The following CPT1C variants were observed in gnomAD, a reference collection of about 807,000 sequenced individuals.
CPT1C encodes carnitine palmitoyltransferase 1C, also known as palmitoyl thioesterase CPT1C.
Under a neutral mutation model 97.3 loss-of-function variants are expected in CPT1C, and 61 were observed. The observed-to-expected ratio is 0.63, with a 90% CI of 0.51 to 0.78. CPT1C has a LOEUF of 0.78. Among genes scored for constraint, CPT1C ranks in the 30% least tolerant of loss-of-function variants. The probability of loss-of-function intolerance (pLI) is 0.00; values close to 1 mark genes in which losing one functional copy is unlikely to be tolerated. For missense variants in CPT1C, 975 were observed against 1,065.5 expected (o/e 0.92, Z 1.18); for synonymous variants, 469 against 447.2 (o/e 1.05, Z -0.61).
At chr19:49,692,165 G>T in intron 2 of CPT1C, 74 bp from the exon 3 acceptor site, 3 of 1,525,198 alleles carry the variant, frequency 2.0e-6, no homozygotes, top group Non-Finnish European at 1.8e-6. Context: ...GGAGGAGGAG[G>T]GGCTGGGGGC....
intron 8 of CPT1C, 101 bp from the exon 9 acceptor site, chr19:49,704,906 T>C: frequency 1.4e-6 from 2 of 1,392,480 alleles, no homozygotes; most frequent in Non-Finnish European, 1.0e-6. Context: ...GGATTCATCA[T>C]TCCACCCTCT....
chr19:49,699,457 T>TAAAAAAAAAA (rs71180647), intron 4 of CPT1C, among the ~76,000 whole-genome samples: 2 of 35,292 alleles, frequency 5.7e-5, no homozygotes, highest in Non-Finnish European at 5.4e-5. Flanking sequence ...CCCCTGTCTC[T>TAAAAAAAAAA]AAAAAAAAAA....
chr19:49,695,563 G>T (rs2082622813), intron 3 of CPT1C, among the ~76,000 whole-genome samples: 1 of 148,850 alleles, frequency 6.7e-6, no homozygotes, highest in South Asian at 2.1e-4. Context: ...GGGACTACAG[G>T]CATGATCCAC....
chr19:49,701,954 ATATATT>A (rs1413675398), intron 7 of CPT1C, among the ~76,000 whole-genome samples: 2 of 73,946 alleles, frequency 2.7e-5, no homozygotes, highest in Non-Finnish European at 4.5e-5. Context: ...TTATATATAA[ATATATT>A]TATATATAAA....
Position 49,706,488 on chromosome 19 carries a change from T to C in CPT1C, c.1343+75T>C. 1 of 1,271,858 alleles carries C rather than the reference T, an allele frequency of 7.9e-7. No homozygotes were observed. The highest frequency in any genetic ancestry group is 1.0e-6 in the Non-Finnish European group (1 of 979,098). 78.8% of individuals were successfully genotyped at this position (1,271,858 alleles called of 1,614,324 possible). A position where few individuals can be genotyped will look rare whatever the true frequency, so the allele number is the denominator to read the frequency against. On this transcript the variant is annotated intron_variant, in intron 12 of 19. Coordinates refer to ENST00000598293, the MANE Select transcript of CPT1C (RefSeq NM_001199753.2). This position sits in a 1 kb window ranked among gnomAD's most constrained non-coding sequence, Gnocchi z 4.8. Reference sequence around the variant, plus strand: ...GTATCAGACCTAGGACCCCTGACAGTAGACAGCCAGACCCTGGAGCCCACA... The same window carrying C: ...GTATCAGACCTAGGACCCCTGACAGCAGACAGCCAGACCCTGGAGCCCACA...
At position 49,711,806 on chromosome 19, in the gene CPT1C, C is replaced by G; in HGVS notation, c.1867-3C>G. The G allele has an allele frequency of 1.2e-6, 2 of 1,608,030 alleles. No individual in the cohort carries two copies. Among genetic ancestry groups the G allele is most frequent in the Non-Finnish European group, 1.7e-6 (2 of 1,177,470 alleles). On this transcript the variant is annotated splice_polypyrimidine_tract_variant and splice_region_variant and intron_variant, in intron 16 of 19. Coordinates refer to ENST00000598293, the MANE Select transcript of CPT1C (RefSeq NM_001199753.2). ...TGACCTGTGACCTCCCTGGGGACTGCAGGACCCACAGTGCCTCGCCCTGTT... is the reference window on the plus strand; with the variant it reads ...TGACCTGTGACCTCCCTGGGGACTGGAGGACCCACAGTGCCTCGCCCTGTT...
rs375722992 is a variant in CPT1C at position 49,706,456 on chromosome 19, G to C, written c.1343+43G>C. On this transcript the variant is annotated intron_variant, in intron 12 of 19. Transcript: ENST00000598293. The surrounding 1 kb of genome is among the most constrained non-coding windows in gnomAD (Gnocchi z 4.8). The stretch of plus-strand genomic sequence containing the variant: ...TGGGGCCCCCAGATGTGGCACCCGA[G>C]AATCCAGTATCAGACCTAGGACCCC... 7.0e-7 allele frequency: 1 copy of C among 1,421,494 alleles called. No homozygotes were observed. The highest frequency in any genetic ancestry group is 1.5e-5 in the African/African-American group (1 of 66,762). 88.1% of individuals were successfully genotyped at this position (1,421,494 alleles called of 1,614,324 possible). A position where few individuals can be genotyped will look rare whatever the true frequency, so the allele number is the denominator to read the frequency against.
chr19:49,708,670 T>C (rs2123457746), intron 13 of CPT1C, 53 bp from the exon 14 acceptor site: 1 of 1,333,738 alleles, frequency 7.5e-7, no homozygotes, highest in Non-Finnish European at 1.1e-6. Context: ...CCGGGTTAGA[T>C]GGCCTCAGTC....
intron 4 of CPT1C, among the ~76,000 whole-genome samples, chr19:49,698,811 C>A (rs1458508798): frequency 6.6e-6 from 1 of 151,626 alleles, no homozygotes; most frequent in South Asian, 2.1e-4. Context: ...TAATCAAAAT[C>A]CTGCCTGTCG....
intron 3 of CPT1C, among the ~76,000 whole-genome samples, chr19:49,695,149 A>C (rs1284481244): frequency 6.6e-6 from 1 of 152,166 alleles, no homozygotes; most frequent in Non-Finnish European, 1.5e-5. Context: ...TCAAAAAAAA[A>C]CAAACATGTG....
intron 5 of CPT1C, 45 bp from the exon 6 acceptor site, chr19:49,701,272 T>G: frequency 6.5e-7 from 1 of 1,547,776 alleles, no homozygotes; most frequent in East Asian, 2.3e-5. Flanking sequence ...GTCAACTCCC[T>G]GGCTCCGGTG....
intron 3 of CPT1C, among the ~76,000 whole-genome samples, chr19:49,694,114 A>G (rs1355306204): frequency 7.2e-6 from 1 of 138,470 alleles, no homozygotes; most frequent in Non-Finnish European, 1.5e-5. Flanking sequence ...AAATAAATAA[A>G]TAAATAAATA....
rs781241338 is a variant in CPT1C at position 49,701,387 on chromosome 19, C to G, written c.524C>G (p.Pro175Arg). 1 of 1,613,622 alleles carries G rather than the reference C, an allele frequency of 6.2e-7. No individual in the cohort carries two copies. The highest frequency in any genetic ancestry group is 2.2e-5 in the East Asian group (1 of 44,874). The change falls in exon 6 of 20, where the codon CCC becomes CGC. Residue 175 changes from proline to arginine, a missense_variant. Pro to Arg is a moderately radical substitution (Grantham distance 103, BLOSUM62 -2). Transcript: ENST00000598293. ...FSYQRSLPRQ[P>R]VPSVQDTVRK... Reference sequence around the variant, plus strand: ...TACCAGCGCTCCCTGCCACGCCAGCCCGTGCCCTCTGTGCAGGACACCGTG... The same window carrying G: ...TACCAGCGCTCCCTGCCACGCCAGCGCGTGCCCTCTGTGCAGGACACCGTG...
intron 7 of CPT1C, among the ~76,000 whole-genome samples, chr19:49,704,434 G>A (rs2083385245): frequency 6.6e-6 from 1 of 152,214 alleles, no homozygotes; most frequent in Non-Finnish European, 1.5e-5. Context: ...GCCTCCCAAA[G>A]TGCTGGGATT....
intron 3 of CPT1C, 97 bp from the exon 4 acceptor site, chr19:49,697,229 C>A: frequency 6.6e-7 from 1 of 1,509,230 alleles, no homozygotes; most frequent in Admixed American, 1.7e-5. Context: ...CAGCTCAGGG[C>A]TCCGCACTGG....
chr19:49,713,529 A>C lies in CPT1C; in HGVS notation c.2336A>C (p.Asn779Thr). 1 of 1,613,958 alleles carries C rather than the reference A, an allele frequency of 6.2e-7. No homozygotes were observed. Among genetic ancestry groups the C allele is most frequent in the South Asian group, 1.1e-5 (1 of 91,076 alleles). ...CGGTTCAGAGGGTCAGGGAAGGAGA[A>C]CTCCAGGCACAGGTGTGGATTTCTC... ...KRRFRGSGKE[N>T]SRHRCGFLSR... The change falls in exon 20 of 20, where the codon AAC (asparagine) becomes ACC (threonine). Residue 779 changes from asparagine (N) to threonine (T), a missense_variant. By Grantham distance (65) the Asn-to-Thr change is moderately conservative. This residue lies in a region of CPT1C where 344 missense variants were observed against 395.7 expected (regional missense o/e 0.87). Transcript: ENST00000598293.
chr19:49,710,881 C>T, intron 16 of CPT1C, 24 bp downstream of exon 16: 1 of 1,592,730 alleles, frequency 6.3e-7, no homozygotes. Flanking sequence ...TCGCTTGAGG[C>T]TTCAGTTATT....
In CPT1C at chr19:49,700,852, G is replaced by C. The variant is rs1375832010; in HGVS notation, c.450G>C (p.Trp150Cys). ...CCATGTCCTCCCCCACCAAGACCTG[G>C]CTGGTATGGGAGGGGCATAGCCCTG... Reference protein sequence around the residue: ...HGAMSSPTKTWLALVRIFSGR... With the variant: ...HGAMSSPTKTCLALVRIFSGR... The change falls in exon 5 of 20, where the codon TGG becomes TGC. Residue 150 changes from tryptophan to cysteine, a missense_variant. Around this residue, in one of 3 missense-constraint regions of CPT1C, gnomAD observed 596 missense variants for 603.1 expected, o/e 0.99. Coordinates refer to ENST00000598293, the MANE Select transcript of CPT1C (RefSeq NM_001199753.2). The C allele has an allele frequency of 6.2e-7, 1 of 1,611,900 alleles. No homozygotes were observed. The highest frequency in any genetic ancestry group is 8.5e-7 in the Non-Finnish European group (1 of 1,179,978).
At chr19:49,713,134 T>C in intron 19 of CPT1C, 70 bp downstream of exon 19, 1 of 1,358,388 alleles carries the variant, frequency 7.4e-7, no homozygotes, top group Non-Finnish European at 1.1e-6. Flanking sequence ...CCCCAGCCCC[T>C]CCTCCCTCAG....
Sources: allele counts gnomAD v4.1 joint callset (sites outside exome capture counted in the v4.1 genomes callset), GRCh38; gene constraint gnomAD v4.1.1; regional missense constraint gnomAD v4.1.1; non-coding constraint Gnocchi (gnomAD v3.1); transcripts MANE v1.5; gene names NCBI Gene and HGNC (gene_info 2026-07-23, HGNC 2026-07-21).